The following SBF2 variants were observed in gnomAD, a reference collection of about 807,000 sequenced individuals.
The protein encoded by SBF2 is myotubularin-related protein 13.
In SBF2, 112 loss-of-function variants were observed where a neutral mutation model predicts 225.2. The observed-to-expected ratio is 0.50, with a 90% CI of 0.43 to 0.58. The LOEUF (loss-of-function observed/expected upper bound fraction) is 0.58, where lower values mean the gene tolerates loss of function less well. Among genes scored for constraint, SBF2 ranks in the 20% least tolerant of loss-of-function variants. SBF2 has a pLI of 0.00. For missense variants in SBF2, 1,996 were observed against 2,206.2 expected (o/e 0.90, Z 1.91); for synonymous variants, 763 against 773.3 (o/e 0.99, Z 0.22).
chr11:10,269,983 T>C (rs887770565), intron 1 of SBF2, among the ~76,000 whole-genome samples: 4 of 152,156 alleles, frequency 2.6e-5, no homozygotes, highest in Non-Finnish European at 5.9e-5. Flanking sequence ...TATTTGATCC[T>C]GAGAAATTAA....
At chr11:10,088,681 T>A (rs1442086590) in intron 2 of SBF2, among the ~76,000 whole-genome samples, 2 of 152,064 alleles carry the variant, frequency 1.3e-5, no homozygotes, top group Non-Finnish European at 2.9e-5. Flanking sequence ...AGAACTCACC[T>A]CCCCATCCCC....
intron 28 of SBF2, among the ~76,000 whole-genome samples, chr11:9,823,455 T>G (rs1854888185): frequency 7.7e-6 from 1 of 130,016 alleles, no homozygotes; most frequent in Non-Finnish European, 1.7e-5. Flanking sequence ...ATTGTGAAAA[T>G]AGGGGAGCAA....
chr11:10,070,413 G>T (rs972124480), intron 2 of SBF2, among the ~76,000 whole-genome samples: 1 of 152,148 alleles, frequency 6.6e-6, no homozygotes, highest in Non-Finnish European at 1.5e-5. Context: ...TATTAAATAG[G>T]GAATCCTTTC....
chr11:9,922,184 T>C (rs1266165207), intron 16 of SBF2, among the ~76,000 whole-genome samples: 2 of 151,646 alleles, frequency 1.3e-5, no homozygotes, highest in African/African-American at 4.9e-5. Context: ...AGATGGAGGC[T>C]GCATGCAGTG....
chr11:9,789,399 C>A lies in SBF2; in HGVS notation c.4699-57G>T, dbSNP rs999863731. 7 of 1,299,568 alleles carry A rather than the reference C, an allele frequency of 5.4e-6. No individual in the cohort carries two copies. The African/African-American group carries it at 8.7e-5, about 16-fold the overall frequency. 80.5% of individuals were successfully genotyped at this position (1,299,568 alleles called of 1,614,324 possible). The stretch of plus-strand genomic sequence containing the variant: ...TTGACCCCAAAGTACCCCAAGCTCA[C>A]TGTCAGGCAAACCCCTAACATTTAT... On this transcript the variant is annotated intron_variant, in intron 34 of 39. Coordinates refer to ENST00000256190, the MANE Select transcript of SBF2 (RefSeq NM_030962.4).
chr11:10,210,979 C>T (rs1304465159), intron 1 of SBF2, among the ~76,000 whole-genome samples: 1 of 113,994 alleles, frequency 8.8e-6, no homozygotes, highest in African/African-American at 3.3e-5. Flanking sequence ...CGCCACTGCA[C>T]TCCAGCCTGG....
intron 1 of SBF2, among the ~76,000 whole-genome samples, chr11:10,275,293 C>A (rs978557703): frequency 6.6e-6 from 1 of 152,146 alleles, no homozygotes; most frequent in African/African-American, 2.4e-5. Context: ...CAAGGTGTTA[C>A]CCCCATTTGT....
intron 2 of SBF2, among the ~76,000 whole-genome samples, chr11:10,092,750 C>T (rs945893115): frequency 2.6e-5 from 4 of 152,142 alleles, no homozygotes; most frequent in East Asian, 1.9e-4. Context: ...CACATACACA[C>T]GCATTTAAAT....
chr11:10,180,470 C>A (rs1201864362), intron 2 of SBF2, among the ~76,000 whole-genome samples: 2 of 150,300 alleles, frequency 1.3e-5, no homozygotes, highest in African/African-American at 5.0e-5. Flanking sequence ...TATGTTATTT[C>A]TTTCTTTTCT....
chr11:9,942,907 GAA>G (rs753146915), intron 16 of SBF2, among the ~76,000 whole-genome samples: 18 of 45,620 alleles, frequency 3.9e-4, no homozygotes, highest in African/African-American at 8.9e-4. Flanking sequence ...GAGAGAGAAA[GAA>G]AGAAAGAAAG....
chr11:10,145,052 G>A (rs1208951950), intron 2 of SBF2, among the ~76,000 whole-genome samples: 1 of 152,182 alleles, frequency 6.6e-6, no homozygotes, highest in Non-Finnish European at 1.5e-5. Context: ...TGGTCAAGGA[G>A]TATGGGGATT....
At chr11:9,991,291 A>C (rs1268463598) in intron 12 of SBF2, among the ~76,000 whole-genome samples, 1 of 152,198 alleles carries the variant, frequency 6.6e-6, no homozygotes, top group African/African-American at 2.4e-5. Context: ...TTTTTAATTA[A>C]AGCATCTGAT....
intron 16 of SBF2, among the ~76,000 whole-genome samples, chr11:9,923,429 A>G (rs1401687468): frequency 6.6e-6 from 1 of 152,212 alleles, no homozygotes; most frequent in African/African-American, 2.4e-5. Flanking sequence ...AACTTTAGGG[A>G]CAAATGATAC....
At chr11:9,813,316 C>A (rs993848267) in intron 29 of SBF2, among the ~76,000 whole-genome samples, 1 of 152,084 alleles carries the variant, frequency 6.6e-6, no homozygotes, top group Admixed American at 6.5e-5. Flanking sequence ...CCCAAGACTA[C>A]CAACATTGTG....
chr11:9,864,113 G>A (rs1309052482), intron 17 of SBF2, among the ~76,000 whole-genome samples: 1 of 152,190 alleles, frequency 6.6e-6, no homozygotes, highest in East Asian at 1.9e-4. Flanking sequence ...AGGATATTAT[G>A]CTCATTAGTT....
At chr11:9,922,781 C>T (rs1183556067) in intron 16 of SBF2, among the ~76,000 whole-genome samples, 1 of 152,110 alleles carries the variant, frequency 6.6e-6, no homozygotes, top group Non-Finnish European at 1.5e-5. Context: ...CTTTCCACTT[C>T]TTACTTAGCC....
rs375816846 is a variant in SBF2, at chr11:10,090,974, A to G, written c.142-47993T>C. Among the ~76,000 whole-genome samples the G allele has an allele frequency of 2.0e-5, 3 of 152,216 alleles. No homozygotes were observed. The East Asian group carries it at 5.8e-4, about 29-fold the overall frequency. ...TATAATATTGCAATTCTCACACACC[A>G]AAATCCAAGAAAATGGTATCTGAGA... On this transcript the variant is annotated intron_variant, in intron 2 of 39. Transcript: ENST00000256190.
intron 31 of SBF2, chr11:9,808,692 T>A (rs928417012): frequency 2.0e-6 from 1 of 488,834 alleles, no homozygotes; most frequent in South Asian, 2.2e-5. Context: ...ATGGGAGAGC[T>A]TGATGCCCGG....
intron 2 of SBF2, among the ~76,000 whole-genome samples, chr11:10,054,979 G>A (rs1950200940): frequency 1.3e-5 from 2 of 151,782 alleles, no homozygotes; most frequent in South Asian, 2.1e-4. Flanking sequence ...GCAAGATCTC[G>A]GCTCACTGCA....
Sources: gnomAD v4.1 joint callset for allele counts (sites outside exome capture counted in the v4.1 genomes callset) on GRCh38, gnomAD v4.1.1 for gene constraint, MANE v1.5 for transcripts, NCBI Gene and HGNC (gene_info 2026-07-23, HGNC 2026-07-21) for gene names.